ABCA10: variants seen among roughly 807,000 people sequenced by gnomAD.
The protein encoded by ABCA10 is ATP-binding cassette sub-family A member 10.
Under a neutral mutation model 187.5 loss-of-function variants are expected in ABCA10, and 169 were observed. That is an observed-to-expected ratio of 0.90 (90% CI 0.80 to 1.02). The LOEUF is 1.02. ABCA10 is among the 50% of genes least tolerant of loss of function. ABCA10 has a pLI of 0.00. For synonymous variants in ABCA10, 574 were observed against 601.8 expected, an observed-to-expected ratio of 0.95 and a Z score of 0.68; for missense variants, 1,727 against 1,812.4, an observed-to-expected ratio of 0.95 and a Z score of 0.86.
At chr17:69,236,232 C>T (rs542044144) in intron 1 of ABCA10, among the ~76,000 whole-genome samples, 6 of 152,182 alleles carry the variant, frequency 3.9e-5, no homozygotes, top group South Asian at 4.1e-4. Context: ...TTATCCAGGG[C>T]ACCTACTTCT....
intron 36 of ABCA10, chr17:69,150,359 A>T (rs2074118870): frequency 4.6e-6 from 1 of 219,322 alleles, no homozygotes; most frequent in South Asian, 9.8e-5. Context: ...TACTCTCAAA[A>T]AGCAACCTTT....
At chr17:69,216,587 T>A (rs1009952908) in intron 6 of ABCA10, among the ~76,000 whole-genome samples, 1 of 152,170 alleles carries the variant, frequency 6.6e-6, no homozygotes, top group African/African-American at 2.4e-5. Context: ...GAGAAATAAA[T>A]GAGATAATGC....
intron 9 of ABCA10, among the ~76,000 whole-genome samples, chr17:69,205,894 T>C (rs2074587967): frequency 6.6e-6 from 1 of 152,304 alleles, no homozygotes; most frequent in East Asian, 1.9e-4. Flanking sequence ...AGATGAGGAA[T>C]TTGTGTTACC....
intron 11 of ABCA10, 129 bp downstream of exon 11, chr17:69,196,935 G>A (rs1191252773): frequency 7.7e-6 from 5 of 650,836 alleles, no homozygotes; most frequent in African/African-American, 1.8e-5. Context: ...AATCAGGCAG[G>A]GAGGTTGCAG....
rs372530243 is a variant in ABCA10 at position 69,155,013 on chromosome 17, T to C, written c.3694+6A>G. On this transcript the variant is annotated splice_donor_region_variant and intron_variant, in intron 30 of 38. Transcript: ENST00000690296. ...TAATAATAATAAAAGGAACAATTGTTCAAACCTTTTTTAACACAAAAGGAA... is the reference window on the plus strand; with the variant it reads ...TAATAATAATAAAAGGAACAATTGTCCAAACCTTTTTTAACACAAAAGGAA... 3.7e-5 allele frequency: 57 copies of C among 1,560,382 alleles called. No homozygotes were observed. The highest frequency in any genetic ancestry group is 1.7e-5 in the Admixed American group (1 of 58,388).
intron 9 of ABCA10, among the ~76,000 whole-genome samples, chr17:69,208,882 T>G (rs2074613637): frequency 1.3e-5 from 2 of 152,020 alleles, no homozygotes; most frequent in South Asian, 2.1e-4. Flanking sequence ...ACAAAAAAAT[T>G]TTTAAAAAAA....
intron 8 of ABCA10, chr17:69,215,552 G>T: frequency 3.4e-6 from 1 of 290,000 alleles, no homozygotes; most frequent in Non-Finnish European, 6.3e-6. Context: ...CTTTAAAGGG[G>T]GACACAAACC....
chr17:69,157,888 A>C (rs943969944), intron 27 of ABCA10, among the ~76,000 whole-genome samples: 2 of 152,078 alleles, frequency 1.3e-5, no homozygotes, highest in Admixed American at 6.5e-5. Context: ...ATAATATAAA[A>C]TAATATCTTC....
Position 69,193,815 on chromosome 17 carries a change from T to G in ABCA10, c.1520A>C (p.Glu507Ala). 6.2e-7 allele frequency: 1 copy of G among 1,613,136 alleles called. No individual in the cohort carries two copies. Among genetic ancestry groups the G allele is most frequent in the African/African-American group, 1.3e-5 (1 of 75,004 alleles). ...KGIQPKEVEQ[E>A]VKRIIMELDM... ...ATCAATCTTAATGTGTTCCTGTACCTCTTGTTCCACTTCCTTTGGCTGAAT... is the reference window on the plus strand; with the variant it reads ...ATCAATCTTAATGTGTTCCTGTACCGCTTGTTCCACTTCCTTTGGCTGAAT... Residue 507 changes from glutamate (E) to alanine (A), a missense_variant and splice_region_variant, in exon 13 of 39, where the codon GAG (glutamate) becomes GCG (alanine). Transcript: ENST00000690296.
intron 16 of ABCA10, among the ~76,000 whole-genome samples, chr17:69,191,811 T>C (rs1266198059): frequency 5.3e-5 from 8 of 152,368 alleles, no homozygotes; most frequent in African/African-American, 1.9e-4. Flanking sequence ...TTGCTTTCTA[T>C]GCATTAAGTG....
intron 14 of ABCA10, 68 bp from the exon 15 acceptor site, chr17:69,193,316 A>G: frequency 6.4e-7 from 1 of 1,574,372 alleles, no homozygotes; most frequent in Non-Finnish European, 8.6e-7. Flanking sequence ...AGCACCATGA[A>G]AACAAGTATG....
chr17:69,218,647 T>G (rs2074723824), intron 6 of ABCA10, among the ~76,000 whole-genome samples: 2 of 149,346 alleles, frequency 1.3e-5, no homozygotes, highest in South Asian at 2.1e-4. Flanking sequence ...ACTATATAGA[T>G]GGAGAGCATA....
chr17:69,194,108 T>C lies in ABCA10; in HGVS notation c.1346-119A>G, dbSNP rs906534533. The C allele has an allele frequency of 4.1e-6, 4 of 981,284 alleles. No individual in the cohort carries two copies. The Admixed American group carries it at 1.2e-4, about 30-fold the overall frequency. 60.8% of individuals were successfully genotyped at this position (981,284 alleles called of 1,614,324 possible). A position where few individuals can be genotyped will look rare whatever the true frequency, so the allele number is the denominator to read the frequency against. ...TTGTTTTTATTAAAGAAACTTCACATTTTCCAATTGCATAATTAATACATT... is the reference window on the plus strand; with the variant it reads ...TTGTTTTTATTAAAGAAACTTCACACTTTCCAATTGCATAATTAATACATT... On this transcript the variant is annotated intron_variant, in intron 12 of 38. Coordinates refer to ENST00000690296, the MANE Select transcript of ABCA10 (RefSeq NM_001377321.1).
intron 1 of ABCA10, among the ~76,000 whole-genome samples, chr17:69,238,875 C>T (rs898510333): frequency 6.6e-6 from 1 of 152,152 alleles, no homozygotes; most frequent in Non-Finnish European, 1.5e-5. Flanking sequence ...TTCTGATCAC[C>T]CATCATTGAT....
In ABCA10 at chr17:69,187,771, C is replaced by T. The variant is rs1179314275; in HGVS notation, c.2240G>A (p.Ser747Asn). 6.2e-7 allele frequency: 1 copy of T among 1,613,922 alleles called. No homozygotes were observed. The highest frequency in any genetic ancestry group is 8.5e-7 in the Non-Finnish European group (1 of 1,179,820). Residue 747 changes from serine (S) to asparagine (N), a missense_variant, in exon 19 of 39, where the codon AGT (serine) becomes AAT (asparagine). Coordinates refer to ENST00000690296, the MANE Select transcript of ABCA10 (RefSeq NM_001377321.1). ...TTGTCGTCTCCAGAGAGCTGCACTA[C>T]TGACAGCCTTTCTTGTTTCAGGAAG... ...CSLPETRKAV[S>N]SAALWRRQIY...
chr17:69,192,312 A>AAAACAAAC lies in ABCA10; in HGVS notation c.1871+243_1871+250dup, dbSNP rs111271676. Among the ~76,000 whole-genome samples, 510 of 150,738 alleles carry AAAACAAAC rather than the reference A, an allele frequency of 3.4e-3. 2 individuals carry two copies. The highest frequency in any genetic ancestry group is 0.011 in the African/African-American group (439 of 40,992). ...AACAGAGCGAGACTGTGTCTTCAAA[A>AAAACAAAC]AAACAAACAAACAAACAAACAAACA... is the stretch of plus-strand genomic sequence containing the variant. On this transcript the variant is annotated intron_variant, in intron 16 of 38. Transcript: ENST00000690296.
At chr17:69,196,285 CT>C (rs1475326256) in intron 11 of ABCA10, 1 of 169,180 alleles carries the variant, frequency 5.9e-6, no homozygotes, top group African/African-American at 2.4e-5. Flanking sequence ...GGGCTCCTCA[CT>C]TCTCAGACGG....
At chr17:69,192,975 G>A (rs917795833) in intron 15 of ABCA10, 135 bp downstream of exon 15, 109 of 1,249,112 alleles carry the variant, frequency 8.7e-5, no homozygotes, top group Non-Finnish European at 1.1e-4. Flanking sequence ...GTAGCCAATG[G>A]CATGTGGAGG....
intron 9 of ABCA10, among the ~76,000 whole-genome samples, chr17:69,204,215 C>T (rs1287839851): frequency 2.6e-5 from 4 of 152,200 alleles, no homozygotes; most frequent in African/African-American, 9.7e-5. Flanking sequence ...TCACAGACTC[C>T]TACTATGCAC....
Sources: gnomAD v4.1 joint callset for allele counts (sites outside exome capture counted in the v4.1 genomes callset) on GRCh38, gnomAD v4.1.1 for gene constraint, MANE v1.5 for transcripts, NCBI Gene and HGNC (gene_info 2026-07-23, HGNC 2026-07-21) for gene names.